The following FRMD4B variants were observed in gnomAD, a reference collection of about 807,000 sequenced individuals.
FRMD4B encodes the protein FERM domain-containing protein 4B.
Under a neutral mutation model 141.5 loss-of-function variants are expected in FRMD4B, and 74 were observed. The ratio of observed to expected loss-of-function variants is 0.52; its 90% CI spans 0.43 to 0.63. The LOEUF (loss-of-function observed/expected upper bound fraction) is 0.63. Among genes scored for constraint, FRMD4B ranks in the 30% least tolerant of loss-of-function variants. The pLI, the probability that FRMD4B is intolerant of heterozygous loss-of-function variation, is 0.00. For missense variants in FRMD4B, 1,366 were observed against 1,253.4 expected, an observed-to-expected ratio of 1.09 and a Z score of -1.36; for synonymous variants, 506 against 467.9, an observed-to-expected ratio of 1.08 and a Z score of -1.05.
intron 1 of FRMD4B, among the ~76,000 whole-genome samples, chr3:69,343,577 G>GTTTTTTT (rs66705405): frequency 7.9e-5 from 10 of 126,494 alleles, no homozygotes; most frequent in South Asian, 2.5e-4. Context: ...ACAGTTTTTT[G>GTTTTTTT]TTTTTTTTTT....
At position 69,181,158 on chromosome 3, in the gene FRMD4B, C is replaced by G. The variant is rs374219123; in HGVS notation, c.2592G>C (p.Arg864=). 254 of 1,613,822 alleles carry G rather than the reference C, an allele frequency of 1.6e-4. No individual in the cohort carries two copies. Among genetic ancestry groups the G allele is most frequent in the Non-Finnish European group, 1.9e-4 (224 of 1,179,880 alleles). The change falls in exon 21 of 23, where the codon CGG becomes CGC. Residue 864 remains arginine, a synonymous_variant. Transcript: ENST00000398540. ...SRSFHEDEVD[R]VPHNPYATLR... ...GAGTTGCATATGGGTTATGGGGTAC[C>G]CGGTCGACCTCATCTTCGTGAAAGG... is the stretch of plus-strand genomic sequence containing the variant.
At chr3:69,268,449 A>G (rs2093578422) in intron 5 of FRMD4B, among the ~76,000 whole-genome samples, 2 of 152,014 alleles carry the variant, frequency 1.3e-5, no homozygotes, top group South Asian at 2.1e-4. Context: ...CAACTTCTGT[A>G]CTTACCCTTC....
At chr3:69,184,206 G>C (rs1239225385) in intron 19 of FRMD4B, among the ~76,000 whole-genome samples, 1 of 152,080 alleles carries the variant, frequency 6.6e-6, no homozygotes, top group African/African-American at 2.4e-5. Context: ...GCCGCTGCCT[G>C]TATAATCTGA....
chr3:69,351,717 C>T (rs866088840), intron 1 of FRMD4B, among the ~76,000 whole-genome samples: 2 of 152,276 alleles, frequency 1.3e-5, no homozygotes, highest in South Asian at 2.1e-4. Context: ...AGCATAGATT[C>T]GGAACTCAGG....
intron 1 of FRMD4B, among the ~76,000 whole-genome samples, chr3:69,483,246 T>C (rs374555822): frequency 1.1e-4 from 16 of 152,224 alleles, no homozygotes; most frequent in African/African-American, 3.9e-4. Flanking sequence ...AGTGTGAGAA[T>C]AACAGTCAAA....
chr3:69,479,364 T>G (rs1706072976), intron 1 of FRMD4B, among the ~76,000 whole-genome samples: 1 of 152,106 alleles, frequency 6.6e-6, no homozygotes, highest in African/African-American at 2.4e-5. Context: ...CTTTCCATGT[T>G]TAGTGTTTCC....
intron 1 of FRMD4B, among the ~76,000 whole-genome samples, chr3:69,448,739 T>C: frequency 6.6e-6 from 1 of 152,216 alleles, no homozygotes; most frequent in Non-Finnish European, 1.5e-5. Context: ...TACTTTATTG[T>C]AGAAACAATT....
chr3:69,341,731 T>C (rs1702744864), intron 1 of FRMD4B, among the ~76,000 whole-genome samples: 1 of 152,202 alleles, frequency 6.6e-6, no homozygotes, highest in Admixed American at 6.5e-5. Flanking sequence ...GCCTGCTCTG[T>C]CTCTTTAACG....
intron 11 of FRMD4B, among the ~76,000 whole-genome samples, chr3:69,208,044 T>C (rs981524449): frequency 1.8e-4 from 27 of 152,034 alleles, no homozygotes; most frequent in African/African-American, 6.5e-4. Flanking sequence ...CATGTCTGGC[T>C]AATTTTTGTA....
At chr3:69,437,405 CTTATG>C (rs1186134419) in intron 1 of FRMD4B, among the ~76,000 whole-genome samples, 2 of 149,182 alleles carry the variant, frequency 1.3e-5, no homozygotes, top group Non-Finnish European at 1.5e-5. Flanking sequence ...AATGGTAACT[CTTATG>C]TTATGTATGT....
intron 1 of FRMD4B, among the ~76,000 whole-genome samples, chr3:69,341,190 G>A (rs1226296558): frequency 6.6e-6 from 1 of 152,098 alleles, no homozygotes; most frequent in South Asian, 2.1e-4. Context: ...TAATGAAGAG[G>A]GCTGTTTGCA....
intron 1 of FRMD4B, among the ~76,000 whole-genome samples, chr3:69,358,721 G>C (rs1703392374): frequency 6.6e-6 from 1 of 152,178 alleles, no homozygotes; most frequent in South Asian, 2.1e-4. Flanking sequence ...GGGTGACACA[G>C]TGAGACCCTG....
chr3:69,361,039 T>C (rs1466050275), intron 1 of FRMD4B, among the ~76,000 whole-genome samples: 1 of 152,238 alleles, frequency 6.6e-6, no homozygotes, highest in Non-Finnish European at 1.5e-5. Context: ...TTTATCTTTA[T>C]TTGCCAGTTT....
chr3:69,390,713 C>T (rs1704362248), upstream of FRMD4B, among the ~76,000 whole-genome samples: 1 of 151,988 alleles, frequency 6.6e-6, no homozygotes, highest in Non-Finnish European at 1.5e-5. Flanking sequence ...GCCAACATGA[C>T]AAAACCAATC....
chr3:69,313,610 C>T (rs2107236962), intron 1 of FRMD4B, 93 bp from the exon 2 acceptor site: 7 of 767,002 alleles, frequency 9.1e-6, no homozygotes, highest in South Asian at 8.4e-5. Flanking sequence ...ATGAGATGGG[C>T]TCAGCCTAAA....
At chr3:69,497,409 G>C (rs986816296) in intron 1 of FRMD4B, among the ~76,000 whole-genome samples, 1 of 152,112 alleles carries the variant, frequency 6.6e-6, no homozygotes, top group African/African-American at 2.4e-5. Flanking sequence ...TTTATATCCT[G>C]AAAGTTACCA....
intron 1 of FRMD4B, among the ~76,000 whole-genome samples, chr3:69,537,827 A>C (rs192342909): frequency 2.6e-5 from 4 of 152,342 alleles, no homozygotes; most frequent in African/African-American, 4.8e-5. Flanking sequence ...TGCATTAGGC[A>C]CTTGTACCCT....
upstream of FRMD4B, among the ~76,000 whole-genome samples, chr3:69,389,280 C>G (rs372140556): frequency 1.4e-4 from 21 of 152,176 alleles, no homozygotes; most frequent in East Asian, 7.7e-4. Flanking sequence ...ATCCTCCCCC[C>G]TCGGCCTCCC....
chr3:69,196,360 C>A lies in FRMD4B; in HGVS notation c.1129G>T (p.Ala377Ser). 6.2e-7 allele frequency: 1 copy of A among 1,611,504 alleles called. No homozygotes were observed. Among genetic ancestry groups the A allele is most frequent in the South Asian group, 1.1e-5 (1 of 90,568 alleles). The change falls in exon 14 of 23, where the codon GCA becomes TCA. Residue 377 changes from alanine (A) to serine (S), a missense_variant. Transcript: ENST00000398540. ...IPSARSLDEI[A>S]MDLTETGTQR... is the part of the protein sequence containing the mutation. Reference sequence around the variant, plus strand: ...GTTCCTGTCTCTGTCAAATCCATTGCAATCTCATCTAAACTCCTGGCTGAA... The same window carrying A: ...GTTCCTGTCTCTGTCAAATCCATTGAAATCTCATCTAAACTCCTGGCTGAA...
Sources: allele counts gnomAD v4.1 joint callset (sites outside exome capture counted in the v4.1 genomes callset), GRCh38; gene constraint gnomAD v4.1.1; transcripts MANE v1.5; gene names NCBI Gene and HGNC (gene_info 2026-07-23, HGNC 2026-07-21).